ANKRD6: variants seen among roughly 807,000 people sequenced by gnomAD.
ANKRD6 encodes the protein ankyrin repeat domain 6.
Under a neutral mutation model 82.3 loss-of-function variants are expected in ANKRD6, and 56 were observed. That is an observed-to-expected ratio of 0.68 (90% CI 0.55 to 0.85). ANKRD6 has a LOEUF of 0.85. Ranked by LOEUF, ANKRD6 falls within the 40% of genes least tolerant of loss-of-function variation. The probability of loss-of-function intolerance (pLI) is 0.00; values close to 1 mark genes in which losing one functional copy is unlikely to be tolerated. For synonymous variants in ANKRD6, 347 were observed against 352.1 expected, an observed-to-expected ratio of 0.99 and a Z score of 0.16; for missense variants, 852 against 907.6, an observed-to-expected ratio of 0.94 and a Z score of 0.79.
In ANKRD6 at chr6:89,462,024, G is replaced by A. The variant is rs894001191; in HGVS notation, c.-144+28649G>A. ...AGGTGGGCGGATCACCTGAGTTCAG[G>A]GGTTCGAGACCAACCTGGCCAATAT... On this transcript the variant is annotated intron_variant, in intron 1 of 15. Transcript: ENST00000339746. 4.6e-5 allele frequency among the ~76,000 whole-genome samples: 7 copies of A among 152,082 alleles called. 1 individual carries two copies. The highest frequency in any genetic ancestry group is 2.6e-4 in the Admixed American group (4 of 15,254).
At chr6:89,536,567 G>A (rs1783867142) in intron 1 of ANKRD6, among the ~76,000 whole-genome samples, 1 of 152,240 alleles carries the variant, frequency 6.6e-6, no homozygotes, top group Admixed American at 6.5e-5. Context: ...ACATGTTTGG[G>A]AGTTTGTTAA....
intron 8 of ANKRD6, 107 bp downstream of exon 8, chr6:89,616,764 C>A: frequency 9.1e-7 from 1 of 1,094,480 alleles, no homozygotes; most frequent in Non-Finnish European, 1.4e-6. Flanking sequence ...CTCTGGAAGA[C>A]GGGGGATCTC....
rs1344291415 is a variant in ANKRD6 at position 89,434,446 on chromosome 6, G to A, written c.-144+1071G>A. ...CCCATCCATGGTATACTGATTGGGG[G>A]TTTCTCATCCCCAAAACACCAATAG... On this transcript the variant is annotated intron_variant, in intron 1 of 15. Coordinates refer to ENST00000339746, the MANE Select transcript of ANKRD6 (RefSeq NM_001242809.2). 4.6e-5 allele frequency among the ~76,000 whole-genome samples: 7 copies of A among 152,252 alleles called. No individual in the cohort carries two copies. The East Asian group carries it at 1.3e-3, about 29-fold the overall frequency.
chr6:89,518,652 A>G (rs1373990378), intron 1 of ANKRD6, among the ~76,000 whole-genome samples: 2 of 152,048 alleles, frequency 1.3e-5, no homozygotes, highest in African/African-American at 4.8e-5. Context: ...AAAAAAAAGC[A>G]TAACACTGAT....
At chr6:89,529,820 G>C (rs1782923612) in intron 1 of ANKRD6, among the ~76,000 whole-genome samples, 1 of 152,178 alleles carries the variant, frequency 6.6e-6, no homozygotes, top group Admixed American at 6.5e-5. Context: ...ACCAGGGGTT[G>C]GTGGAGGAGT....
intron 1 of ANKRD6, among the ~76,000 whole-genome samples, chr6:89,434,848 A>G (rs1030694008): frequency 2.6e-5 from 4 of 152,172 alleles, no homozygotes; most frequent in African/African-American, 7.2e-5. Context: ...ACAAATTAAA[A>G]TTGGGGAGTA....
chr6:89,458,264 T>C (rs542398441), intron 1 of ANKRD6, among the ~76,000 whole-genome samples: 1 of 152,368 alleles, frequency 6.6e-6, no homozygotes, highest in South Asian at 2.1e-4. Context: ...TTTTGGGCTA[T>C]AACTGTGGAA....
chr6:89,613,024 G>A (rs1017145092), intron 6 of ANKRD6, among the ~76,000 whole-genome samples: 19 of 152,332 alleles, frequency 1.2e-4, no homozygotes, highest in African/African-American at 3.8e-4. Flanking sequence ...GCTTGGTTCC[G>A]TCTTAATGCA....
chr6:89,527,621 A>AAAAAAAAAG (rs1554227725), intron 1 of ANKRD6, among the ~76,000 whole-genome samples: 5 of 148,758 alleles, frequency 3.4e-5, no homozygotes, highest in African/African-American at 1.3e-4. Flanking sequence ...AAAAAAAAAA[A>AAAAAAAAAG]AAAAAGAAAA....
intron 1 of ANKRD6, among the ~76,000 whole-genome samples, chr6:89,559,866 G>C (rs1471393056): frequency 6.6e-6 from 1 of 152,196 alleles, no homozygotes; most frequent in East Asian, 1.9e-4. Flanking sequence ...GCCAGAGCCT[G>C]CCTCATCTAT....
rs1479915751 is a variant in ANKRD6, at chr6:89,518,954, T to C, written c.-143-47880T>C. On this transcript the variant is annotated intron_variant, in intron 1 of 15. Transcript: ENST00000339746. ...GAGGCCTTTCCCCTCAGCTTGCAGA[T>C]GGCCACCTTCTTCCTGTGTTCTCAT... Among the ~76,000 whole-genome samples, 9 of 152,362 alleles carry C rather than the reference T, an allele frequency of 5.9e-5. No homozygotes were observed. The East Asian group carries it at 1.3e-3, about 23-fold the overall frequency.
At chr6:89,551,363 T>C (rs1377746527) in intron 1 of ANKRD6, among the ~76,000 whole-genome samples, 1 of 152,232 alleles carries the variant, frequency 6.6e-6, no homozygotes, top group Admixed American at 6.5e-5. Context: ...ACCATGCTGT[T>C]TGTTTTGACA....
At chr6:89,531,375 T>G (rs1783122126) in intron 1 of ANKRD6, among the ~76,000 whole-genome samples, 1 of 152,260 alleles carries the variant, frequency 6.6e-6, no homozygotes, top group Non-Finnish European at 1.5e-5. Flanking sequence ...AGGAAGTTTA[T>G]AGAATGTTTT....
chr6:89,610,290 C>T lies in ANKRD6; in HGVS notation c.418-1982C>T, dbSNP rs1300007500. ...GCCCCCAGTCACCCTCTCCCAGCCC[C>T]GGGCAACCACGGATCTGTTTTGCTT... On this transcript the variant is annotated intron_variant, in intron 5 of 15. Transcript: ENST00000339746. Among the ~76,000 whole-genome samples the T allele has an allele frequency of 2.0e-5, 3 of 152,126 alleles. No individual in the cohort carries two copies. The South Asian group carries it at 6.2e-4, about 32-fold the overall frequency.
At chr6:89,460,184 A>G (rs1189688749) in intron 1 of ANKRD6, among the ~76,000 whole-genome samples, 3 of 150,926 alleles carry the variant, frequency 2.0e-5, no homozygotes, top group African/African-American at 7.3e-5. Flanking sequence ...TCACAGAGAC[A>G]GGAAACTTAC....
intron 1 of ANKRD6, among the ~76,000 whole-genome samples, chr6:89,548,815 T>A (rs186366330): frequency 6.6e-6 from 1 of 152,384 alleles, no homozygotes; most frequent in Non-Finnish European, 1.5e-5. Context: ...GTGTGTAGGC[T>A]GGAAAACACA....
intron 9 of ANKRD6, among the ~76,000 whole-genome samples, chr6:89,621,000 C>G (rs1031606905): frequency 5.9e-5 from 9 of 151,958 alleles, no homozygotes; most frequent in Admixed American, 5.2e-4. Flanking sequence ...ACCCGGGAGG[C>G]GGAGCTTGCA....
At position 89,541,387 on chromosome 6, in the gene ANKRD6, C is replaced by CTTTTTTTTTTTTTTT. The variant is rs58643589; in HGVS notation, c.-143-25438_-143-25424dup. Among the ~76,000 whole-genome samples, 4 of 64,102 alleles carry CTTTTTTTTTTTTTTT rather than the reference C, an allele frequency of 6.2e-5. 1 individual carries two copies. The highest frequency in any genetic ancestry group is 1.1e-4 in the Non-Finnish European group (4 of 37,396). The allele number at this position is 64,102 out of a possible 152,430, so 42.1% of individuals were successfully genotyped here. On this transcript the variant is annotated intron_variant, in intron 1 of 15. Transcript: ENST00000339746. The stretch of plus-strand genomic sequence containing the variant: ...TCTAGGTATTTAATTTTACGTGTGG[C>CTTTTTTTTTTTTTTT]TTTTTTTTTTTTTTTTTTTTTTTGA...
chr6:89,617,880 AGCT>A, intron 8 of ANKRD6, 71 bp from the exon 9 acceptor site: 1 of 1,446,196 alleles, frequency 6.9e-7, no homozygotes, highest in Non-Finnish European at 9.7e-7. Context: ...TCCTGGCCAG[AGCT>A]GTGCCAGCTG....
Sources: allele counts gnomAD v4.1 joint callset (sites outside exome capture counted in the v4.1 genomes callset), GRCh38; gene constraint gnomAD v4.1.1; transcripts MANE v1.5; gene names NCBI Gene and HGNC (gene_info 2026-07-23, HGNC 2026-07-21).